CD38: variants seen among roughly 807,000 people sequenced by gnomAD.
CD38 encodes the protein CD38 molecule.
A neutral mutation model predicts 36.3 loss-of-function variants in CD38; 31 were observed. The ratio of observed to expected loss-of-function variants is 0.85; its 90% CI spans 0.64 to 1.15. The LOEUF is 1.15. Ranked by LOEUF, CD38 falls within the 50% of genes most tolerant of loss-of-function variation. The probability of loss-of-function intolerance (pLI) is 0.00; values close to 1 mark genes in which losing one functional copy is unlikely to be tolerated. For missense variants in CD38, 380 were observed against 371.9 expected, an observed-to-expected ratio of 1.02 and a Z score of -0.18; for synonymous variants, 131 against 135.2, an observed-to-expected ratio of 0.97 and a Z score of 0.22.
chr4:15,804,512 G>A (rs536993161), intron 1 of CD38, among the ~76,000 whole-genome samples: 13 of 152,116 alleles, frequency 8.5e-5, no homozygotes, highest in Admixed American at 2.0e-4. Flanking sequence ...ATGAAGATAT[G>A]GAATCCACCG....
At chr4:15,786,999 G>C (rs141123631) in intron 1 of CD38, among the ~76,000 whole-genome samples, 1 of 152,160 alleles carries the variant, frequency 6.6e-6, no homozygotes, top group Non-Finnish European at 1.5e-5. Context: ...TTCACTGTCC[G>C]GGGCCTGCTG....
rs185717621 is a variant in CD38, at chr4:15,805,277, A to T, written c.234-11234A>T. Among the ~76,000 whole-genome samples the T allele has an allele frequency of 1.5e-3, 226 of 152,256 alleles. 1 individual carries two copies. Among genetic ancestry groups the T allele is most frequent in the Non-Finnish European group, 2.8e-3 (189 of 68,012 alleles). Reference sequence around the variant, plus strand: ...TCCAGTTTGTTAACTTTTTTCTAATATGGCTTGTGACGCTTATTCCTTCTG... The same window carrying T: ...TCCAGTTTGTTAACTTTTTTCTAATTTGGCTTGTGACGCTTATTCCTTCTG... On this transcript the variant is annotated intron_variant, in intron 1 of 7. Coordinates refer to ENST00000226279, the MANE Select transcript of CD38 (RefSeq NM_001775.4).
chr4:15,784,022 C>T (rs1175628647), intron 1 of CD38, among the ~76,000 whole-genome samples: 1 of 152,174 alleles, frequency 6.6e-6, no homozygotes, highest in Non-Finnish European at 1.5e-5. Context: ...CAGGATCCTG[C>T]AGTGGGAGGT....
At chr4:15,816,222 T>A (rs1484675804) in intron 1 of CD38, among the ~76,000 whole-genome samples, 1 of 152,156 alleles carries the variant, frequency 6.6e-6, no homozygotes, top group Non-Finnish European at 1.5e-5. Flanking sequence ...GGACTGAAAT[T>A]TTCTTTTTTT....
chr4:15,791,128 T>TGA (rs1722973948), intron 1 of CD38, among the ~76,000 whole-genome samples: 1 of 107,028 alleles, frequency 9.3e-6, no homozygotes, highest in African/African-American at 4.6e-5. Flanking sequence ...TACTGGGAAG[T>TGA]GAGGAGCCCC....
At chr4:15,800,231 G>A (rs1425194029) in intron 1 of CD38, among the ~76,000 whole-genome samples, 1 of 152,132 alleles carries the variant, frequency 6.6e-6, no homozygotes, top group Non-Finnish European at 1.5e-5. Context: ...AAATAAACCT[G>A]TCTTAACTGG....
intron 1 of CD38, among the ~76,000 whole-genome samples, chr4:15,808,866 A>G (rs1723402225): frequency 6.6e-6 from 1 of 152,132 alleles, no homozygotes; most frequent in Non-Finnish European, 1.5e-5. Context: ...TTCTTTCTCT[A>G]AAAATATTGT....
Position 15,778,418 on chromosome 4 carries a change from G to A in CD38, c.4G>A (p.Ala2Thr). M[A>T]NCEFSPVSGD... is the part of the protein sequence containing the mutation. The stretch of plus-strand genomic sequence containing the variant: ...AGCCAACCCCGCCTGGAGCCCTATG[G>A]CCAACTGCGAGTTCAGCCCGGTGTC... Residue 2 changes from alanine (A) to threonine (T), a missense_variant, in exon 1 of 8, where the codon GCC (alanine) becomes ACC (threonine). Transcript: ENST00000226279. This position sits in a 1 kb window ranked among gnomAD's most constrained non-coding sequence, Gnocchi z 4.9. 6.2e-7 allele frequency: 1 copy of A among 1,613,056 alleles called. No homozygotes were observed. The highest frequency in any genetic ancestry group is 8.5e-7 in the Non-Finnish European group (1 of 1,179,354).
intron 1 of CD38, among the ~76,000 whole-genome samples, chr4:15,790,161 C>G (rs1158556738): frequency 4.6e-5 from 2 of 43,568 alleles, no homozygotes; most frequent in Non-Finnish European, 7.8e-5. Flanking sequence ...CCCTCTCCCC[C>G]TCTCCCTCCC....
intron 2 of CD38, among the ~76,000 whole-genome samples, chr4:15,823,146 G>T (rs1465836080): frequency 6.6e-6 from 1 of 152,116 alleles, no homozygotes; most frequent in Non-Finnish European, 1.5e-5. Flanking sequence ...AATTGAAACT[G>T]GACCCCTTCC....
intron 2 of CD38, among the ~76,000 whole-genome samples, chr4:15,821,694 CAAAAAA>C (rs59688929): frequency 6.4e-5 from 5 of 77,766 alleles, no homozygotes; most frequent in African/African-American, 1.5e-4. Context: ...AAATACCAAC[CAAAAAA>C]AAAAAAAAAA....
chr4:15,791,687 C>G (rs1722997172), intron 1 of CD38, among the ~76,000 whole-genome samples: 2 of 91,058 alleles, frequency 2.2e-5, no homozygotes. Flanking sequence ...GGGGATCAGC[C>G]CCCCGCCTGG....
intron 1 of CD38, among the ~76,000 whole-genome samples, chr4:15,813,584 T>G (rs1209171140): frequency 1.3e-5 from 2 of 152,186 alleles, no homozygotes; most frequent in Admixed American, 1.3e-4. Flanking sequence ...GTCCTAATAC[T>G]CTCCCTCCCC....
chr4:15,779,482 A>G (rs1367968508), intron 1 of CD38, among the ~76,000 whole-genome samples: 2 of 152,210 alleles, frequency 1.3e-5, no homozygotes, highest in Non-Finnish European at 2.9e-5. Context: ...CGTTGCTTGT[A>G]AAACAGAAGA....
intron 2 of CD38, 107 bp from the exon 3 acceptor site, chr4:15,824,774 T>G: frequency 1.2e-6 from 1 of 863,850 alleles, no homozygotes; most frequent in African/African-American, 1.7e-5. Context: ...CTATGGGTGA[T>G]TTACTTTGAT....
At chr4:15,797,089 T>C (rs545766644) in intron 1 of CD38, among the ~76,000 whole-genome samples, 34 of 152,306 alleles carry the variant, frequency 2.2e-4, no homozygotes, top group East Asian at 3.9e-4. Flanking sequence ...GAACTCCTAT[T>C]TCCCCATACC....
rs973848130 is a variant in CD38 at position 15,805,885 on chromosome 4, C to T, written c.234-10626C>T. 5.9e-5 allele frequency among the ~76,000 whole-genome samples: 9 copies of T among 152,278 alleles called. No individual in the cohort carries two copies. The South Asian group carries it at 1.9e-3, about 32-fold the overall frequency. On this transcript the variant is annotated intron_variant, in intron 1 of 7. Transcript: ENST00000226279. ...AGTTAACCTGCTTGTTTTCTTTGAGCCCAGACAGCCTGCCCTATGGGAACT... is the reference window on the plus strand; with the variant it reads ...AGTTAACCTGCTTGTTTTCTTTGAGTCCAGACAGCCTGCCCTATGGGAACT...
chr4:15,785,992 C>G (rs190689510), intron 1 of CD38, among the ~76,000 whole-genome samples: 2 of 152,104 alleles, frequency 1.3e-5, no homozygotes, highest in Non-Finnish European at 2.9e-5. Context: ...TAAGGCAGCG[C>G]GTCTGGAGTT....
At chr4:15,831,127 G>T (rs1723950309) in intron 3 of CD38, among the ~76,000 whole-genome samples, 1 of 152,098 alleles carries the variant, frequency 6.6e-6, no homozygotes, top group Admixed American at 6.6e-5. Context: ...TTTGCATAAA[G>T]AAACAAAGAC....
Sources: allele counts gnomAD v4.1 joint callset (sites outside exome capture counted in the v4.1 genomes callset), GRCh38; gene constraint gnomAD v4.1.1; non-coding constraint Gnocchi (gnomAD v3.1); transcripts MANE v1.5; gene names NCBI Gene and HGNC (gene_info 2026-07-23, HGNC 2026-07-21).